The following EMC1 variants were observed in gnomAD, a reference collection of about 807,000 sequenced individuals.
The protein encoded by EMC1 is ER membrane protein complex subunit 1, also known as KIAA0090.
A neutral mutation model predicts 128.8 loss-of-function variants in EMC1; 103 were observed. The observed-to-expected ratio is 0.80, with a 90% CI of 0.68 to 0.94. The LOEUF (loss-of-function observed/expected upper bound fraction) is 0.94, where lower values mean the gene tolerates loss of function less well. Ranked by LOEUF, EMC1 falls within the 40% of genes least tolerant of loss-of-function variation. The probability of loss-of-function intolerance (pLI) is 0.00; values close to 1 mark genes in which losing one functional copy is unlikely to be tolerated. For synonymous variants in EMC1, 442 were observed against 490.4 expected (o/e 0.90, Z 1.30); for missense variants, 1,083 against 1,250.6 (o/e 0.87, Z 2.02).
chr1:19,215,971 G>C lies in EMC1; in HGVS notation c.*3332C>G. On this transcript the variant is annotated 3_prime_UTR_variant, in exon 23 of 23. Coordinates refer to ENST00000477853, the MANE Select transcript of EMC1 (RefSeq NM_015047.3). Reference sequence around the variant, plus strand: ...CCCAAAGTGCTGGGATTATAGGCTTGAGCCACCATGCCTCGCCTAAAAGCA... The same window carrying C: ...CCCAAAGTGCTGGGATTATAGGCTTCAGCCACCATGCCTCGCCTAAAAGCA... 6.6e-6 allele frequency: 1 copy of C among 152,178 alleles called. No homozygotes were observed. The highest frequency in any genetic ancestry group is 1.9e-4 in the East Asian group (1 of 5,192). 9.4% of individuals were successfully genotyped at this position (152,178 alleles called of 1,614,324 possible).
chr1:19,230,895 G>A lies in EMC1; in HGVS notation c.2013C>T (p.Phe671=), dbSNP rs1192681131. ...QLHELAPSIF[F]YLVDAEQGRL... ...GTCCCTGCTCTGCATCCACCAAATA[G>A]AAGAAGATGGAAGGGGCAAGCTCAT... The change falls in exon 17 of 23, where the codon TTC becomes TTT. Residue 671 remains phenylalanine, a synonymous_variant. Coordinates refer to ENST00000477853, the MANE Select transcript of EMC1 (RefSeq NM_015047.3). The A allele has an allele frequency of 6.2e-7, 1 of 1,614,180 alleles. No individual in the cohort carries two copies. The highest frequency in any genetic ancestry group is 1.7e-5 in the Admixed American group (1 of 60,020).
intron 5 of EMC1, among the ~76,000 whole-genome samples, chr1:19,241,386 C>T (rs1325534692): frequency 2.1e-5 from 3 of 143,348 alleles, no homozygotes; most frequent in African/African-American, 7.5e-5. Flanking sequence ...GATGTGGCAA[C>T]ACTAGGCCTA....
Position 19,244,916 on chromosome 1 carries a change from A to T in EMC1, c.210T>A (p.Thr70=). 6.2e-7 allele frequency: 1 copy of T among 1,613,746 alleles called. No individual in the cohort carries two copies. Among genetic ancestry groups the T allele is most frequent in the Non-Finnish European group, 8.5e-7 (1 of 1,179,754 alleles). ...TCTCAGTTCACTCACAGATCTCCCC[A>T]GTTCGGGAATTTAATGCTGCAATCA... ...KNVIAALNSR[T]GEILWRHVDK... Residue 70 remains threonine, a synonymous_variant, in exon 2 of 23, where the codon ACT becomes ACA. Coordinates refer to ENST00000477853, the MANE Select transcript of EMC1 (RefSeq NM_015047.3).
chr1:19,249,202 G>A (rs537510311), intron 1 of EMC1, among the ~76,000 whole-genome samples: 21 of 152,176 alleles, frequency 1.4e-4, no homozygotes, highest in African/African-American at 5.1e-4. Context: ...TAGTCTAAAT[G>A]CACAGTATTT....
At chr1:19,250,044 C>G (rs1484926091) in intron 1 of EMC1, among the ~76,000 whole-genome samples, 1 of 151,800 alleles carries the variant, frequency 6.6e-6, no homozygotes, top group East Asian at 1.9e-4. Context: ...ATGGAGAAAC[C>G]CTGTCTCTAC....
intron 4 of EMC1, 67 bp from the exon 5 acceptor site, chr1:19,242,540 G>A: frequency 6.3e-7 from 1 of 1,577,982 alleles, no homozygotes; most frequent in South Asian, 1.1e-5. Context: ...AGACAGTCCA[G>A]AACAGTACCC....
At chr1:19,223,143 C>A in intron 19 of EMC1, 1 of 557,288 alleles carries the variant, frequency 1.8e-6, no homozygotes, top group Non-Finnish European at 3.2e-6. Context: ...TGTTATTATC[C>A]CTATTTTAAC....
At chr1:19,245,847 G>A (rs1440233063) in intron 1 of EMC1, among the ~76,000 whole-genome samples, 4 of 151,508 alleles carry the variant, frequency 2.6e-5, no homozygotes, top group Middle Eastern at 3.4e-3. Flanking sequence ...GGCTGGTCTC[G>A]AACTCCTGAC....
intron 11 of EMC1, 89 bp downstream of exon 11, chr1:19,237,928 A>G (rs2093578085): frequency 4.0e-6 from 6 of 1,501,666 alleles, no homozygotes; most frequent in Non-Finnish European, 4.5e-6. Context: ...GCCTAATCCA[A>G]GCCCCATGGC....
chr1:19,220,699 A>G, intron 21 of EMC1, 65 bp downstream of exon 21: 1 of 1,322,436 alleles, frequency 7.6e-7, no homozygotes, highest in Non-Finnish European at 1.1e-6. Context: ...CCAAGAACCA[A>G]GCTTAATCAG....
At chr1:19,228,279 T>C (rs930252413) in intron 17 of EMC1, among the ~76,000 whole-genome samples, 2 of 151,920 alleles carry the variant, frequency 1.3e-5, no homozygotes, top group Non-Finnish European at 2.9e-5. Flanking sequence ...GTTGTTTATC[T>C]GAGTAGGAAA....
chr1:19,231,634 G>A (rs998789575), intron 15 of EMC1, among the ~76,000 whole-genome samples: 2 of 151,874 alleles, frequency 1.3e-5, no homozygotes, highest in Non-Finnish European at 2.9e-5. Flanking sequence ...GTTCTTTTTC[G>A]TTTGAGACAG....
At chr1:19,238,722 G>T in intron 10 of EMC1, 73 bp downstream of exon 10, 1 of 1,024,762 alleles carries the variant, frequency 9.8e-7, no homozygotes, top group Non-Finnish European at 1.5e-6. Context: ...CCTAACCAAA[G>T]CTCTTCCCCC....
chr1:19,219,301 C>G lies in EMC1; in HGVS notation c.*2G>C. 2 of 1,613,992 alleles carry G rather than the reference C, an allele frequency of 1.2e-6. No homozygotes were observed. Among genetic ancestry groups the G allele is most frequent in the Non-Finnish European group, 1.7e-6 (2 of 1,179,994 alleles). ...TCCACTTTTAGGCACAGTCTTTGTT[C>G]TTTATCGCCAGGCCCGATTCAGGAG... On this transcript the variant is annotated 3_prime_UTR_variant, in exon 23 of 23. Coordinates refer to ENST00000477853, the MANE Select transcript of EMC1 (RefSeq NM_015047.3).
chr1:19,244,084 G>A (rs2093620720), intron 2 of EMC1, 69 bp from the exon 3 acceptor site: 1 of 1,469,174 alleles, frequency 6.8e-7, no homozygotes, highest in Non-Finnish European at 9.5e-7. Context: ...AGAAATAAAT[G>A]AAGAGCTCTT....
At chr1:19,221,091 G>C in intron 20 of EMC1, 1 of 344,760 alleles carries the variant, frequency 2.9e-6, no homozygotes, top group East Asian at 5.1e-5. Flanking sequence ...CTAGAATCAA[G>C]ATATGGATAA....
chr1:19,233,009 A>T lies in EMC1; in HGVS notation c.1559T>A (p.Ile520Asn), dbSNP rs754977653. ...RKPRSQIKNE[I>N]NIDTLARDEF... Reference sequence around the variant, plus strand: ...ATCTCTGGCCAGGGTGTCAATGTTGATCTCATTCTTAATCTGACTCCGGGG... The same window carrying T: ...ATCTCTGGCCAGGGTGTCAATGTTGTTCTCATTCTTAATCTGACTCCGGGG... The change falls in exon 14 of 23, where the codon ATC (isoleucine) becomes AAC (asparagine). Residue 520 changes from isoleucine to asparagine, a missense_variant. Physicochemically the swap from Ile to Asn is moderately radical, Grantham distance 149 (BLOSUM62 -3). Around this residue, in one of 3 missense-constraint regions of EMC1, gnomAD observed 527 missense variants for 644.1 expected, o/e 0.82. Transcript: ENST00000477853. 1.2e-6 allele frequency: 2 copies of T among 1,614,166 alleles called. No individual in the cohort carries two copies. The highest frequency in any genetic ancestry group is 1.1e-5 in the South Asian group (1 of 91,082).
At chr1:19,236,274 C>T (rs1176844693) in intron 12 of EMC1, among the ~76,000 whole-genome samples, 3 of 152,056 alleles carry the variant, frequency 2.0e-5, no homozygotes, top group Non-Finnish European at 2.9e-5. Flanking sequence ...GCAGGAGAAT[C>T]GCTTGAACCA....
Position 19,231,291 on chromosome 1 carries a change from C to G in EMC1, c.1914G>C (p.Lys638Asn). The change falls in exon 16 of 23, where the codon AAG becomes AAC. Residue 638 changes from lysine to asparagine, a missense_variant. Coordinates refer to ENST00000477853, the MANE Select transcript of EMC1 (RefSeq NM_015047.3). ...ATTCATCATCTATCAACAGCAACAC[C>G]TTGGCGTAGTCTTGATCCATGACTG... Reference protein sequence around the residue: ...LLPVMDQDYAKVLLLIDDEYK... With the variant: ...LLPVMDQDYANVLLLIDDEYK... The G allele has an allele frequency of 6.2e-7, 1 of 1,606,792 alleles. No individual in the cohort carries two copies.
Sources: allele counts gnomAD v4.1 joint callset (sites outside exome capture counted in the v4.1 genomes callset), GRCh38; gene constraint gnomAD v4.1.1; regional missense constraint gnomAD v4.1.1; transcripts MANE v1.5; gene names NCBI Gene and HGNC (gene_info 2026-07-23, HGNC 2026-07-21).